Variants in TTN observed in about 807,000 individuals in gnomAD.
TTN encodes titin.
A neutral mutation model predicts 3,223.0 loss-of-function variants in TTN; 1,525 were observed. The ratio of observed to expected loss-of-function variants is 0.47; its 90% CI spans 0.45 to 0.49. TTN has a LOEUF of 0.49. Among genes scored for constraint, TTN ranks in the 20% least tolerant of loss-of-function variants. TTN has a pLI of 0.00. For synonymous variants in TTN, 14,094 were observed against 15,161.0 expected (o/e 0.93, Z 5.17); for missense variants, 40,786 against 43,424.0 (o/e 0.94, Z 5.40).
chr2:178,548,660 T>A lies in TTN; in HGVS notation c.92966A>T (p.Asn30989Ile), dbSNP rs755136924. 2 of 1,613,776 alleles carry A rather than the reference T, an allele frequency of 1.2e-6. No individual in the cohort carries two copies. Among genetic ancestry groups the A allele is most frequent in the Admixed American group, 3.3e-5 (2 of 59,990 alleles). ...STLTVENCNR[N>I]DAGKYTLTVE... The stretch of plus-strand genomic sequence containing the variant: ...AGTAAGGGTATATTTCCCTGCATCA[T>A]TTCTGTTGCAGTTTTCCACAGTGAG... The change falls in exon 339 of 363, where the codon AAT becomes ATT. Residue 30989 changes from asparagine to isoleucine, a missense_variant. By Grantham distance (149) the Asn-to-Ile change is moderately radical (BLOSUM62 -3). Transcript: ENST00000589042. The surrounding 1 kb of genome is among the most constrained non-coding windows in gnomAD (Gnocchi z 4.3).
Position 178,553,723 on chromosome 2 carries a change from T to C in TTN, c.89282A>G (p.Asp29761Gly). ...ITLGWSKPVY[D>G]GGSAVTGYVV... ...ATACCCAGTAACAGCACTGCCCCCA[T>C]CATAGACAGGCTTACTCCAGCCAAG... Residue 29761 changes from aspartate (D) to glycine (G), a missense_variant, in exon 334 of 363, where the codon GAT (aspartate) becomes GGT (glycine). Physicochemically the swap from Asp to Gly is moderately conservative, Grantham distance 94. Coordinates refer to ENST00000589042, the MANE Select transcript of TTN (RefSeq NM_001267550.2). The C allele has an allele frequency of 6.2e-7, 1 of 1,613,708 alleles. No homozygotes were observed. The highest frequency in any genetic ancestry group is 8.5e-7 in the Non-Finnish European group (1 of 1,179,724).
intron 120 of TTN, 149 bp downstream of exon 120, chr2:178,692,348 C>G: frequency 1.1e-6 from 1 of 895,016 alleles, no homozygotes. Context: ...ACTTGTATAA[C>G]ACATCACCAC....
At chr2:178,686,447 T>C (rs1163130555) in intron 127 of TTN, among the ~76,000 whole-genome samples, 2 of 151,610 alleles carry the variant, frequency 1.3e-5, no homozygotes, top group African/African-American at 4.9e-5. Context: ...AGACAATGTC[T>C]TGCTTTGTTG....
Position 178,545,990 on chromosome 2 carries a change from T to G in TTN, c.95246A>C (p.Glu31749Ala). The G allele has an allele frequency of 6.2e-7, 1 of 1,613,820 alleles. No homozygotes were observed. Among genetic ancestry groups the G allele is most frequent in the East Asian group, 2.2e-5 (1 of 44,838 alleles). ...AATCACCCAGTTGAGCCTGCTAGTCTCGCGTCTTTCCACGATGTAGTGAGT... is the reference window on the plus strand; with the variant it reads ...AATCACCCAGTTGAGCCTGCTAGTCGCGCGTCTTTCCACGATGTAGTGAGT... ...EITHYIVERR[E>A]TSRLNWVIVE... Residue 31749 changes from glutamate to alanine, a missense_variant, in exon 343 of 363, where the codon GAG becomes GCG. Transcript: ENST00000589042.
At chr2:178,774,517 T>C in intron 29 of TTN, 44 bp from the exon 30 acceptor site, 1 of 1,586,628 alleles carries the variant, frequency 6.3e-7, no homozygotes, top group Non-Finnish European at 8.6e-7. Flanking sequence ...TTTGGAGAGG[T>C]ATGCATCTAG....
chr2:178,799,889 T>C lies in TTN; in HGVS notation c.605A>G (p.Lys202Arg). The change falls in exon 5 of 363, where the codon AAA becomes AGA. Residue 202 changes from lysine to arginine, a missense_variant. Physicochemically the swap from Lys to Arg is conservative, Grantham distance 26. Coordinates refer to ENST00000589042, the MANE Select transcript of TTN (RefSeq NM_001267550.2). Reference protein sequence around the residue: ...LVQGEEEVPAKKTKTIVSTAQ... With the variant: ...LVQGEEEVPARKTKTIVSTAQ... ...AGTCGAAACAATTGTCTTTGTCTTTTTAGCAGGTACTTCTTCTTCACCTGT... is the reference window on the plus strand; with the variant it reads ...AGTCGAAACAATTGTCTTTGTCTTTCTAGCAGGTACTTCTTCTTCACCTGT... 1 of 1,614,132 alleles carries C rather than the reference T, an allele frequency of 6.2e-7. No individual in the cohort carries two copies. The highest frequency in any genetic ancestry group is 8.5e-7 in the Non-Finnish European group (1 of 1,180,014).
rs759154562 is a variant in TTN at position 178,527,156 on chromosome 2, C to T, written c.107832G>A (p.Arg35944=). The T allele has an allele frequency of 9.9e-6, 16 of 1,613,842 alleles. No homozygotes were observed. Among genetic ancestry groups the T allele is most frequent in the Non-Finnish European group, 1.2e-5 (14 of 1,179,886 alleles). The part of the protein sequence containing the change: ...GRKIHSQEQG[R]FHIENTDDLT... ...GGTCATCTGTGTTTTCAATGTGGAACCTCCCCTGTTCTTGACTGTGGATTT... is the reference window on the plus strand; with the variant it reads ...GGTCATCTGTGTTTTCAATGTGGAATCTCCCCTGTTCTTGACTGTGGATTT... Residue 35944 remains arginine, a synonymous_variant, in exon 363 of 363, where the codon AGG becomes AGA. Coordinates refer to ENST00000589042, the MANE Select transcript of TTN (RefSeq NM_001267550.2).
Position 178,779,446 on chromosome 2 carries a change from GAAGA to G in TTN, c.3742_3745del (p.Ser1248ProfsTer14), listed in dbSNP as rs2154347788. 2 of 1,540,444 alleles carry G rather than the reference GAAGA, an allele frequency of 1.3e-6. No individual in the cohort carries two copies. The highest frequency in any genetic ancestry group is 1.8e-6 in the Non-Finnish European group (2 of 1,117,388). ...TTCTTTAATAAGTCTCTCTTCAAAG[GAAGA>G]AATATGGAATTCCTATGCAAAAAGA... On this transcript the variant is annotated frameshift_variant, in exon 23 of 363. Coordinates refer to ENST00000589042, the MANE Select transcript of TTN (RefSeq NM_001267550.2). LOFTEE classifies it high-confidence loss of function.
chr2:178,615,087 T>C, intron 259 of TTN, 119 bp from the exon 260 acceptor site: 1 of 1,028,726 alleles, frequency 9.7e-7, no homozygotes. Context: ...AAATTAAACC[T>C]GGATTACTTC....
chr2:178,557,491 G>T lies in TTN; in HGVS notation c.87771C>A (p.Gly29257=), dbSNP rs72648230. The T allele has an allele frequency of 7.6e-5, 123 of 1,613,788 alleles. No homozygotes were observed. The Middle Eastern group carries it at 9.9e-4, about 13-fold the overall frequency. Residue 29257 remains glycine, a synonymous_variant, in exon 329 of 363, where the codon GGC becomes GGA. Transcript: ENST00000589042. ...CTCCATTTGACACTGGTTCATGCCA[G>T]CCCACAGTGATGCTTTCTCGAGTAA... ...TNVTRESITV[G]WHEPVSNGGS...
intron 78 of TTN, among the ~76,000 whole-genome samples, chr2:178,721,608 T>G (rs1188896851): frequency 6.6e-6 from 1 of 152,054 alleles, no homozygotes; most frequent in Non-Finnish European, 1.5e-5. Flanking sequence ...TAAAACAACA[T>G]TTAACAAATT....
chr2:178,563,153 A>G lies in TTN; in HGVS notation c.82979T>C (p.Leu27660Pro), dbSNP rs1222575627. The change falls in exon 326 of 363, where the codon CTA (leucine) becomes CCA (proline). Residue 27660 changes from leucine to proline, a missense_variant. By Grantham distance (98) the Leu-to-Pro change is moderately conservative (BLOSUM62 -3). Transcript: ENST00000589042. This position sits in a 1 kb window ranked among gnomAD's most constrained non-coding sequence, Gnocchi z 4.5. ...CTCCTGAGCAACCACTGAGCCAGGT[A>G]GAGTTGCAGGTTCACCTACACCTTC... ...NSEGVGEPAT[L>P]PGSVVAQERI... is the part of the protein sequence containing the mutation. 2 of 1,613,618 alleles carry G rather than the reference A, an allele frequency of 1.2e-6. No homozygotes were observed. The highest frequency in any genetic ancestry group is 1.7e-6 in the Non-Finnish European group (2 of 1,179,722).
At chr2:178,651,603 A>G in intron 206 of TTN, 63 bp downstream of exon 206, 3 of 1,612,032 alleles carry the variant, frequency 1.9e-6, no homozygotes, top group Non-Finnish European at 2.5e-6. Context: ...ATGAAGCAGA[A>G]CAGTAGAATA....
chr2:178,749,442 G>T, intron 47 of TTN: 1 of 1,612,790 alleles, frequency 6.2e-7, no homozygotes, highest in African/African-American at 1.3e-5. Context: ...TGCTCTTTCT[G>T]GTCTATTTGC....
At position 178,709,798 on chromosome 2, in the gene TTN, T is replaced by C; in HGVS notation, c.28521A>G (p.Glu9507=). The part of the protein sequence containing the change: ...KRLSETVEET[E]GNSFKLEGRV... ...GTCCCTCAAGTTTGAAAGAATTCCC[T>C]TCTGTTTCTTCTACTGTCTCTGAGA... is the stretch of plus-strand genomic sequence containing the variant. Residue 9507 remains glutamate (E), a synonymous_variant, in exon 99 of 363, where the codon GAA becomes GAG. Coordinates refer to ENST00000589042, the MANE Select transcript of TTN (RefSeq NM_001267550.2). 1 of 1,613,660 alleles carries C rather than the reference T, an allele frequency of 6.2e-7. No homozygotes were observed. The highest frequency in any genetic ancestry group is 8.5e-7 in the Non-Finnish European group (1 of 1,179,798).
Position 178,612,143 on chromosome 2 carries a change from G to A in TTN, c.50268C>T (p.Tyr16756=), listed in dbSNP as rs748836778. 1.7e-5 allele frequency: 27 copies of A among 1,611,242 alleles called. No individual in the cohort carries two copies. The highest frequency in any genetic ancestry group is 3.3e-4 in the Middle Eastern group (2 of 6,044). Residue 16756 remains tyrosine (Y), a synonymous_variant, in exon 267 of 363, where the codon TAC becomes TAT. Coordinates refer to ENST00000589042, the MANE Select transcript of TTN (RefSeq NM_001267550.2). ...TTGTCACATCAACCACTGCCAGGGC[G>A]TAGGGTGGTCCAGGAGTGGCTGAAA... is the stretch of plus-strand genomic sequence containing the variant. ...KDTFTTPGPP[Y]ALAVVDVTKR...
chr2:178,696,850 T>C (rs148371189), intron 113 of TTN, among the ~76,000 whole-genome samples: 211 of 152,098 alleles, frequency 1.4e-3, no homozygotes, highest in Non-Finnish European at 2.3e-3. Flanking sequence ...TTAACTACAA[T>C]AAAAAAATAA....
At position 178,572,157 on chromosome 2, in the gene TTN, C is replaced by T. The variant is rs776423108; in HGVS notation, c.73975G>A (p.Gly24659Ser). ...LGYIVEMQTK[G>S]SDKWATCATV... The stretch of plus-strand genomic sequence containing the variant: ...GCACACGTGGCCCATTTGTCACTGC[C>T]TTTGGTCTGCATCTCCACAATGTAG... Residue 24659 changes from glycine (G) to serine (S), a missense_variant, in exon 326 of 363, where the codon GGC (glycine) becomes AGC (serine). Transcript: ENST00000589042. The T allele has an allele frequency of 1.9e-6, 3 of 1,613,336 alleles. No individual in the cohort carries two copies. The African/African-American group carries it at 4.0e-5, about 22-fold the overall frequency.
At chr2:178,632,083 A>G in intron 236 of TTN, 64 bp downstream of exon 236, 1 of 1,469,886 alleles carries the variant, frequency 6.8e-7, no homozygotes, top group Non-Finnish European at 9.0e-7. Flanking sequence ...ATTTTATAGA[A>G]TAGATACTCC....
Sources: gnomAD v4.1 joint callset for allele counts (sites outside exome capture counted in the v4.1 genomes callset) on GRCh38, gnomAD v4.1.1 for gene constraint, Gnocchi (gnomAD v3.1) non-coding constraint, MANE v1.5 for transcripts, NCBI Gene and HGNC (gene_info 2026-07-23, HGNC 2026-07-21) for gene names.